The following SDK1 variants were observed in gnomAD, a reference collection of about 807,000 sequenced individuals.
The protein encoded by SDK1 is sidekick cell adhesion molecule 1.
A neutral mutation model predicts 245.5 loss-of-function variants in SDK1; 157 were observed. The ratio of observed to expected loss-of-function variants is 0.64; its 90% CI spans 0.56 to 0.73. SDK1 has a LOEUF of 0.73. SDK1 is among the 30% of genes least tolerant of loss of function. The probability of loss-of-function intolerance (pLI) is 0.00; values close to 1 mark genes in which losing one functional copy is unlikely to be tolerated. For missense variants in SDK1, 3,583 were observed against 3,002.3 expected (o/e 1.19, Z -4.52); for synonymous variants, 1,647 against 1,278.5 (o/e 1.29, Z -6.15).
chr7:3,397,237 G>A (rs559290607), intron 1 of SDK1, among the ~76,000 whole-genome samples: 52 of 151,906 alleles, frequency 3.4e-4, no homozygotes, highest in Admixed American at 5.2e-4. Context: ...GGAGAAAAGC[G>A]TTCTCAAAAA....
rs1401582458 is a variant in SDK1 at position 4,218,265 on chromosome 7, C to A, written c.5540-1844C>A. ...AAAATTAGCCAGGCATGGTGGCATG[C>A]GCCTGTAATCCCAGCTACTCATGAG... On this transcript the variant is annotated intron_variant, in intron 38 of 44. Coordinates refer to ENST00000404826, the MANE Select transcript of SDK1 (RefSeq NM_152744.4). Among the ~76,000 whole-genome samples the A allele has an allele frequency of 1.3e-5, 2 of 152,088 alleles. 1 individual carries two copies. Among genetic ancestry groups the A allele is most frequent in the South Asian group, 4.1e-4 (2 of 4,820 alleles).
chr7:4,069,668 T>G (rs369231962), intron 20 of SDK1, among the ~76,000 whole-genome samples: 165 of 152,332 alleles, frequency 1.1e-3, no homozygotes, highest in African/African-American at 3.8e-3. Flanking sequence ...ACCAAGAGCC[T>G]CAGGTGATCT....
At chr7:3,780,296 C>T (rs1268439066) in intron 4 of SDK1, among the ~76,000 whole-genome samples, 2 of 152,186 alleles carry the variant, frequency 1.3e-5, no homozygotes, top group Non-Finnish European at 1.5e-5. Context: ...GTGATGCTAA[C>T]GTTCCAGGAT....
chr7:3,318,126 T>A (rs1295317598), intron 1 of SDK1, among the ~76,000 whole-genome samples: 2 of 152,234 alleles, frequency 1.3e-5, no homozygotes, highest in Non-Finnish European at 2.9e-5. Context: ...AGCATACTCT[T>A]AGCTTGGAGG....
intron 14 of SDK1, among the ~76,000 whole-genome samples, chr7:3,993,142 C>T (rs1398707872): frequency 6.6e-6 from 1 of 152,120 alleles, no homozygotes; most frequent in Non-Finnish European, 1.5e-5. Flanking sequence ...ATGAGTGAGT[C>T]GGCATTGCAC....
chr7:3,348,415 G>A (rs1187875199), intron 1 of SDK1, among the ~76,000 whole-genome samples: 1 of 152,166 alleles, frequency 6.6e-6, no homozygotes, highest in Non-Finnish European at 1.5e-5. Context: ...GTAGCAAGGT[G>A]GGTGCAGCTG....
intron 35 of SDK1, among the ~76,000 whole-genome samples, chr7:4,180,198 GCGCCCGGCTCCAGCTCTA>G (rs1180713645): frequency 9.9e-5 from 15 of 152,026 alleles, no homozygotes; most frequent in South Asian, 2.1e-4. Flanking sequence ...TCTATGCCCA[GCGCCCGGCTCCAGCTCTA>G]TGCCCAGCGC....
chr7:3,530,077 C>T (rs532150728), intron 1 of SDK1, among the ~76,000 whole-genome samples: 1 of 152,038 alleles, frequency 6.6e-6, no homozygotes, highest in East Asian at 1.9e-4. Context: ...ATTTTAAAGA[C>T]TCTCAAAAAG....
intron 4 of SDK1, among the ~76,000 whole-genome samples, chr7:3,698,075 C>T (rs770924636): frequency 6.6e-6 from 1 of 152,132 alleles, no homozygotes; most frequent in Non-Finnish European, 1.5e-5. Flanking sequence ...GTCCAGTTGC[C>T]AGTGGGCACA....
intron 4 of SDK1, among the ~76,000 whole-genome samples, chr7:3,648,478 T>C (rs1782916425): frequency 6.6e-6 from 1 of 152,242 alleles, no homozygotes; most frequent in African/African-American, 2.4e-5. Context: ...AGTAATGATC[T>C]GGATTGTGAA....
chr7:3,676,200 G>T (rs1783889956), intron 4 of SDK1, among the ~76,000 whole-genome samples: 1 of 151,534 alleles, frequency 6.6e-6, no homozygotes, highest in Admixed American at 6.6e-5. Context: ...GTATTTTTTT[G>T]TGGAGACGGG....
chr7:3,763,842 A>G (rs969911669), intron 4 of SDK1, among the ~76,000 whole-genome samples: 1 of 152,152 alleles, frequency 6.6e-6, no homozygotes, highest in African/African-American at 2.4e-5. Flanking sequence ...ATAAGCAACA[A>G]ACTAACATAT....
chr7:3,536,717 A>G lies in SDK1; in HGVS notation c.299-82363A>G, dbSNP rs373008596. ...TCAAAAAAAAAAACAAAAACAAAAA[A>G]CAAACCTATGCATTGAAAAGTGTCT... On this transcript the variant is annotated intron_variant, in intron 1 of 44. Transcript: ENST00000404826. Among the ~76,000 whole-genome samples, 137 of 152,118 alleles carry G rather than the reference A, an allele frequency of 9.0e-4. No individual in the cohort carries two copies. The Middle Eastern group carries it at 0.031, about 34-fold the overall frequency.
At position 3,768,073 on chromosome 7, in the gene SDK1, A is replaced by G. The variant is rs556515368; in HGVS notation, c.714-53377A>G. 4.6e-5 allele frequency among the ~76,000 whole-genome samples: 7 copies of G among 152,346 alleles called. No homozygotes were observed. In the South Asian group the frequency reaches 6.2e-4, roughly 14 times the overall value. On this transcript the variant is annotated intron_variant, in intron 4 of 44. Transcript: ENST00000404826. ...TAAGGCCACACAGCCAATAAGAGGC[A>G]AAAGCATGGCACAATCCCAGGCTCT...
chr7:4,218,835 G>A (rs1244350568), intron 38 of SDK1, among the ~76,000 whole-genome samples: 2 of 152,030 alleles, frequency 1.3e-5, no homozygotes, highest in Non-Finnish European at 2.9e-5. Flanking sequence ...GCTGCCTGGT[G>A]GAGATTAATC....
At position 4,130,006 on chromosome 7, in the gene SDK1, C is replaced by A; in HGVS notation, c.4038C>A (p.Phe1346Leu). The change falls in exon 27 of 45, where the codon TTC becomes TTA. Residue 1346 changes from phenylalanine to leucine, a missense_variant. Phe to Leu is a conservative substitution (Grantham distance 22). Transcript: ENST00000404826. ...CCCTGCTGGCAGGCCTGCGCAAGTT[C>A]GTGCTCTACGAGCTCCAGGTGCTGG... is the stretch of plus-strand genomic sequence containing the variant. ...QSALLAGLRK[F>L]VLYELQVLAF... The A allele has an allele frequency of 6.2e-7, 1 of 1,613,650 alleles. No individual in the cohort carries two copies. The highest frequency in any genetic ancestry group is 8.5e-7 in the Non-Finnish European group (1 of 1,179,954).
chr7:3,627,290 G>A (rs1398537488), intron 2 of SDK1, among the ~76,000 whole-genome samples: 4 of 152,154 alleles, frequency 2.6e-5, no homozygotes, highest in Admixed American at 1.3e-4. Flanking sequence ...TCCAGGTGAT[G>A]TAATAGCTAC....
chr7:3,507,730 T>C (rs574268151), intron 1 of SDK1, among the ~76,000 whole-genome samples: 48 of 152,318 alleles, frequency 3.2e-4, no homozygotes, highest in Non-Finnish European at 6.0e-4. Flanking sequence ...TTCTCCTGCA[T>C]GGTCAAATTT....
intron 1 of SDK1, among the ~76,000 whole-genome samples, chr7:3,520,809 CTTT>C (rs1782914170): frequency 6.6e-6 from 1 of 152,148 alleles, no homozygotes; most frequent in African/African-American, 2.4e-5. Context: ...TCCTGCCTAC[CTTT>C]TTATTAGACC....
Sources: gnomAD v4.1 joint callset for allele counts (sites outside exome capture counted in the v4.1 genomes callset) on GRCh38, gnomAD v4.1.1 for gene constraint, MANE v1.5 for transcripts, NCBI Gene and HGNC (gene_info 2026-07-23, HGNC 2026-07-21) for gene names.